Variants in DPEP2 observed in about 807,000 individuals in gnomAD.
DPEP2 encodes dipeptidase 2.
Under a neutral mutation model 51.8 loss-of-function variants are expected in DPEP2, and 45 were observed. The observed-to-expected ratio is 0.87, with a 90% CI of 0.68 to 1.11. The LOEUF (loss-of-function observed/expected upper bound fraction) is 1.11. Among genes scored for constraint, DPEP2 ranks in the 50% most tolerant of loss-of-function variants. The pLI is 0.00. For synonymous variants in DPEP2, 255 were observed against 262.7 expected, an observed-to-expected ratio of 0.97 and a Z score of 0.28; for missense variants, 604 against 631.9, an observed-to-expected ratio of 0.96 and a Z score of 0.47.
rs1463483692 is a variant in DPEP2 at position 67,991,396 on chromosome 16, G to A, written c.663-212C>T. Among the ~76,000 whole-genome samples the A allele has an allele frequency of 6.8e-6, 1 of 147,226 alleles. No individual in the cohort carries two copies. Among genetic ancestry groups the A allele is most frequent in the Non-Finnish European group, 1.5e-5 (1 of 67,092 alleles). ...TTTTTTTTTTTTTTTTGGCAATAGA[G>A]TCTCGCTCTGTCACCCAGGCAGGAG... On this transcript the variant is annotated intron_variant, in intron 5 of 10. Coordinates refer to ENST00000393847, the MANE Select transcript of DPEP2 (RefSeq NM_022355.4). This position sits in a 1 kb window ranked among gnomAD's most constrained non-coding sequence, Gnocchi z 5.1.
At position 67,991,000 on chromosome 16, in the gene DPEP2, G is replaced by C. The variant is rs764338900; in HGVS notation, c.733-3C>G. ...CGGTTCATTTCTGCCACCACCTTCT[G>C]CAGGGACATGTTGGGAGAAGGGTAT... On this transcript the variant is annotated splice_region_variant and splice_polypyrimidine_tract_variant and intron_variant, in intron 6 of 10. Coordinates refer to ENST00000393847, the MANE Select transcript of DPEP2 (RefSeq NM_022355.4). 6.2e-7 allele frequency: 1 copy of C among 1,613,928 alleles called. No individual in the cohort carries two copies. Among genetic ancestry groups the C allele is most frequent in the South Asian group, 1.1e-5 (1 of 91,074 alleles).
chr16:67,999,589 G>C, upstream of DPEP2: 1 of 787,308 alleles, frequency 1.3e-6, no homozygotes, highest in Non-Finnish European at 1.5e-6. Flanking sequence ...TGGGGCATGA[G>C]TGTTCATGTG....
intron 1 of DPEP2, chr16:67,994,259 A>G (rs1474647142): frequency 1.0e-6 from 1 of 985,400 alleles, no homozygotes; most frequent in Non-Finnish European, 1.2e-6. Flanking sequence ...GCCTGAGGAA[A>G]GCCCTGCCAC....
At chr16:67,988,418 G>A (rs559085525) in intron 9 of DPEP2, among the ~76,000 whole-genome samples, 3 of 151,228 alleles carry the variant, frequency 2.0e-5, no homozygotes, top group Middle Eastern at 3.4e-3. Flanking sequence ...AGAAAGGAAA[G>A]AAAGGAAAGA....
At position 67,993,040 on chromosome 16, in the gene DPEP2, T is replaced by C. The variant is rs1255377803; in HGVS notation, c.173A>G (p.Tyr58Cys). ...APRAHTMPGT[Y>C]APSTTLSSPS... is the part of the protein sequence containing the mutation. ...ACTACTGAGTGTGGTCGAGGGAGCG[T>C]AGGTGCCCGGCATGGTGTGGGCTCT... Residue 58 changes from tyrosine to cysteine, a missense_variant, in exon 2 of 11, where the codon TAC becomes TGC. Physicochemically the swap from Tyr to Cys is radical, Grantham distance 194. Transcript: ENST00000393847. 1.9e-6 allele frequency: 3 copies of C among 1,585,080 alleles called. No homozygotes were observed. The highest frequency in any genetic ancestry group is 2.6e-6 in the Non-Finnish European group (3 of 1,165,046).
intron 1 of DPEP2, chr16:67,993,499 T>G: frequency 8.4e-7 from 1 of 1,192,998 alleles, no homozygotes; most frequent in Non-Finnish European, 1.0e-6. Flanking sequence ...TCGCGGCCTG[T>G]CTTAGGGCCC....
intron 1 of DPEP2, chr16:67,993,510 T>A (rs947222823): frequency 8.6e-7 from 1 of 1,162,296 alleles, no homozygotes; most frequent in African/African-American, 1.6e-5. Context: ...CTTAGGGCCC[T>A]CCACCCTCCC....
In DPEP2 at chr16:67,993,048, C is replaced by T. The variant is rs1419358345; in HGVS notation, c.165G>A (p.Pro55=). 1.9e-6 allele frequency: 3 copies of T among 1,581,386 alleles called. No homozygotes were observed. Among genetic ancestry groups the T allele is most frequent in the East Asian group, 2.3e-5 (1 of 43,104 alleles). The change falls in exon 2 of 11, where the codon CCG becomes CCA. Residue 55 remains proline (P), a synonymous_variant. Transcript: ENST00000393847. ...GTGTGGTCGAGGGAGCGTAGGTGCCCGGCATGGTGTGGGCTCTGGGGGCGC... is the reference window on the plus strand; with the variant it reads ...GTGTGGTCGAGGGAGCGTAGGTGCCTGGCATGGTGTGGGCTCTGGGGGCGC... ...TLGAPRAHTM[P]GTYAPSTTLS...
chr16:67,992,785 A>T, intron 2 of DPEP2, 149 bp from the exon 3 acceptor site: 4 of 1,484,880 alleles, frequency 2.7e-6, no homozygotes, highest in Non-Finnish European at 3.6e-6. Context: ...AGGAGTGCCC[A>T]CCCAAGAGGG....
intron 1 of DPEP2, chr16:67,993,652 T>G: frequency 1.0e-6 from 1 of 989,328 alleles, no homozygotes. Flanking sequence ...CTGGGAGATC[T>G]GCAGACCACG....
Position 67,991,525 on chromosome 16 carries a change from G to A in DPEP2, c.662+313C>T, listed in dbSNP as rs1043557796. On this transcript the variant is annotated intron_variant, in intron 5 of 10. Coordinates refer to ENST00000393847, the MANE Select transcript of DPEP2 (RefSeq NM_022355.4). The surrounding 1 kb of genome is among the most constrained non-coding windows in gnomAD (Gnocchi z 5.1). ...CCTGAGTATCTGGGATTATAGGCAC[G>A]CACCACCACACCTGGCTAATTTTTG... 3 of 510,716 alleles carry A rather than the reference G, an allele frequency of 5.9e-6. No homozygotes were observed. Among genetic ancestry groups the A allele is most frequent in the South Asian group, 2.6e-5 (1 of 37,870 alleles). 31.6% of individuals were successfully genotyped at this position (510,716 alleles called of 1,614,324 possible).
At chr16:67,993,459 G>A (rs2032446369) in intron 1 of DPEP2, 3 of 1,250,060 alleles carry the variant, frequency 2.4e-6, no homozygotes, top group African/African-American at 1.6e-5. Flanking sequence ...GCTCCCGCCG[G>A]CTGGGCGGAT....
chr16:67,999,347 C>T (rs939338108), intron 1 of DPEP2, 28 bp downstream of exon 1: 1 of 361,812 alleles, frequency 2.8e-6, no homozygotes, highest in Non-Finnish European at 3.9e-6. Flanking sequence ...ATCCAAACAT[C>T]AAAAGAAACA....
At chr16:67,999,599 G>T, upstream of DPEP2, 1 of 685,062 alleles carries the variant, frequency 1.5e-6, no homozygotes, top group Non-Finnish European at 1.8e-6. Context: ...GTGTTCATGT[G>T]AGCCCACGAT....
chr16:67,990,191 T>G, intron 7 of DPEP2, 60 bp from the exon 8 acceptor site: 1 of 1,524,224 alleles, frequency 6.6e-7, no homozygotes, highest in African/African-American at 1.4e-5. Context: ...ATTCCTGCCC[T>G]GCCACCCTCT....
In DPEP2 at chr16:67,992,126, A is replaced by G. The variant is rs148736668; in HGVS notation, c.458T>C (p.Ile153Thr). 9.3e-6 allele frequency: 15 copies of G among 1,614,044 alleles called. No individual in the cohort carries two copies. The East Asian group carries it at 3.3e-4, about 36-fold the overall frequency. ...RDALRLTLEQ[I>T]DLIRRMCASY... ...GGCACACATGCGGCGTATGAGGTCA[A>G]TCTGCTCCAGGGTGAGGCGCAGGGC... Residue 153 changes from isoleucine (I) to threonine (T), a missense_variant, in exon 4 of 11, where the codon ATT becomes ACT. Ile to Thr is a moderately conservative substitution (Grantham distance 89). Transcript: ENST00000393847.
At position 67,991,341 on chromosome 16, in the gene DPEP2, C is replaced by T. The variant is rs963168630; in HGVS notation, c.663-157G>A. 2.6e-4 allele frequency among the ~76,000 whole-genome samples: 40 copies of T among 151,908 alleles called. No homozygotes were observed. The highest frequency in any genetic ancestry group is 2.1e-4 in the Non-Finnish European group (14 of 67,962). ...GGCCATGCCTGGCAGCAGGAGGGCC[C>T]TGCTGGGTCCAGTCTTTTTTTTCCT... On this transcript the variant is annotated intron_variant, in intron 5 of 10. Transcript: ENST00000393847. The surrounding 1 kb of genome is among the most constrained non-coding windows in gnomAD (Gnocchi z 5.1).
rs2031930013 is a variant in DPEP2, at chr16:67,990,056, T to G, written c.985A>C (p.Thr329Pro). The change falls in exon 8 of 11, where the codon ACT becomes CCT. Residue 329 changes from threonine to proline, a missense_variant. Transcript: ENST00000393847. ...CGGGAGAGGGAGTTACCTGCCACAG[T>G]GGACACATTGGCTGATGGGTTGCAC... Reference protein sequence around the residue: ...IQCNPSANVSTVADHFDHIKA... With the variant: ...IQCNPSANVSPVADHFDHIKA... The G allele has an allele frequency of 6.2e-7, 1 of 1,614,152 alleles. No individual in the cohort carries two copies. Among genetic ancestry groups the G allele is most frequent in the East Asian group, 2.2e-5 (1 of 44,882 alleles).
At chr16:67,999,024 G>A (rs2032872176) in intron 1 of DPEP2, among the ~76,000 whole-genome samples, 1 of 152,150 alleles carries the variant, frequency 6.6e-6, no homozygotes, top group Non-Finnish European at 1.5e-5. Context: ...GAGAATAAAA[G>A]CAGGCTGCCT....
Sources: allele counts gnomAD v4.1 joint callset (sites outside exome capture counted in the v4.1 genomes callset), GRCh38; gene constraint gnomAD v4.1.1; non-coding constraint Gnocchi (gnomAD v3.1); transcripts MANE v1.5; gene names NCBI Gene and HGNC (gene_info 2026-07-23, HGNC 2026-07-21).